The following NFX1 variants were observed in gnomAD, a reference collection of about 807,000 sequenced individuals.
The protein encoded by NFX1 is nuclear transcription factor, X-box binding 1.
Under a neutral mutation model 137.2 loss-of-function variants are expected in NFX1, and 69 were observed. The ratio of observed to expected loss-of-function variants is 0.50; its 90% CI spans 0.41 to 0.61. The LOEUF (loss-of-function observed/expected upper bound fraction) is 0.61. Among genes scored for constraint, NFX1 ranks in the 20% least tolerant of loss-of-function variants. NFX1 has a pLI of 0.00. For synonymous variants in NFX1, 495 were observed against 474.1 expected, an observed-to-expected ratio of 1.04 and a Z score of -0.57; for missense variants, 1,167 against 1,391.0, an observed-to-expected ratio of 0.84 and a Z score of 2.56.
Position 33,313,647 on chromosome 9 carries a change from T to C in NFX1, c.1449-7T>C. The C allele has an allele frequency of 6.2e-7, 1 of 1,613,986 alleles. No individual in the cohort carries two copies. The highest frequency in any genetic ancestry group is 8.5e-7 in the Non-Finnish European group (1 of 1,179,854). On this transcript the variant is annotated splice_region_variant and splice_polypyrimidine_tract_variant and intron_variant, in intron 6 of 23. Transcript: ENST00000379540. ...TGATGCTGTCTTTACATCTATTGTC[T>C]TTACAGGCACACAGTTCGCTGTGGT...
intron 9 of NFX1, 34 bp from the exon 10 acceptor site, chr9:33,328,547 T>A: frequency 6.5e-7 from 1 of 1,548,206 alleles, no homozygotes; most frequent in Non-Finnish European, 8.9e-7. Flanking sequence ...GTAGTTGCAG[T>A]TTTCATTTCC....
chr9:33,361,850 A>G (rs1437909291), intron 19 of NFX1, among the ~76,000 whole-genome samples: 4 of 151,572 alleles, frequency 2.6e-5, no homozygotes, highest in Admixed American at 2.6e-4. Context: ...GGGGCCCGTT[A>G]CAGCGGCTCA....
chr9:33,314,929 C>T (rs1822100223), intron 7 of NFX1, among the ~76,000 whole-genome samples: 1 of 151,948 alleles, frequency 6.6e-6, no homozygotes, highest in African/African-American at 2.4e-5. Context: ...GCTAGCTGTA[C>T]ATCAATGGGA....
chr9:33,319,031 T>C lies in NFX1; in HGVS notation c.1810T>C (p.Leu604=), dbSNP rs1822282918. 1 of 1,614,192 alleles carries C rather than the reference T, an allele frequency of 6.2e-7. No homozygotes were observed. Among genetic ancestry groups the C allele is most frequent in the Non-Finnish European group, 8.5e-7 (1 of 1,180,026 alleles). The change falls in exon 9 of 24, where the codon TTG becomes CTG. Residue 604 remains leucine (L), a synonymous_variant. Transcript: ENST00000379540. ...CPCGQTPLSQ[L]LELGSSSRKT... ...CTGTGGCCAAACTCCTCTCAGCCAATTGCTAGAACTTGGAAGTAGTAGTCG... is the reference window on the plus strand; with the variant it reads ...CTGTGGCCAAACTCCTCTCAGCCAACTGCTAGAACTTGGAAGTAGTAGTCG...
chr9:33,301,173 T>C, intron 2 of NFX1, 90 bp from the exon 3 acceptor site: 1 of 1,187,618 alleles, frequency 8.4e-7, no homozygotes, highest in East Asian at 2.5e-5. Context: ...ATTCTTCTCT[T>C]GAGTGACTTG....
chr9:33,332,566 T>C (rs1287406019), intron 11 of NFX1, 64 bp downstream of exon 11: 5 of 1,239,646 alleles, frequency 4.0e-6, no homozygotes, highest in South Asian at 1.3e-5. Context: ...TGAATCTTGT[T>C]AGGGAGTTGG....
At chr9:33,294,384 A>C in intron 1 of NFX1, 36 bp from the exon 2 acceptor site, 2 of 1,512,468 alleles carry the variant, frequency 1.3e-6, no homozygotes, top group Middle Eastern at 1.8e-4. Context: ...ATGAAGTTTA[A>C]TCTCTTTACT....
Position 33,294,643 on chromosome 9 carries a change from GCAGACGT to G in NFX1, c.251_257del (p.Gln84LeufsTer24), listed in dbSNP as rs774318791. ...CGTCAGGAAGCAAACCTAAGAGTCA[GCAGACGT>G]CTTTCCAGTCCTCTCCTTGTAATAA... On this transcript the variant is annotated frameshift_variant, in exon 2 of 24. Coordinates refer to ENST00000379540, the MANE Select transcript of NFX1 (RefSeq NM_002504.6). LOFTEE classifies it high-confidence loss of function. 1.2e-6 allele frequency: 2 copies of G among 1,614,198 alleles called. No homozygotes were observed. Among genetic ancestry groups the G allele is most frequent in the Admixed American group, 3.3e-5 (2 of 60,028 alleles).
chr9:33,291,171 C>T (rs1433129495), intron 1 of NFX1, among the ~76,000 whole-genome samples: 1 of 152,238 alleles, frequency 6.6e-6, no homozygotes, highest in Non-Finnish European at 1.5e-5. Flanking sequence ...GGAGTTGCCT[C>T]AGTGTGTAGA....
At chr9:33,309,651 A>G (rs1404276930) in intron 5 of NFX1, among the ~76,000 whole-genome samples, 2 of 152,220 alleles carry the variant, frequency 1.3e-5, no homozygotes, top group African/African-American at 2.4e-5. Context: ...TGACAGAGAC[A>G]GGGTCTCGCT....
intron 19 of NFX1, among the ~76,000 whole-genome samples, chr9:33,359,617 A>T (rs937488659): frequency 1.3e-5 from 2 of 152,234 alleles, no homozygotes; most frequent in East Asian, 3.9e-4. Flanking sequence ...AAAAAAATAG[A>T]TGTTCCTGAC....
chr9:33,352,709 A>T lies in NFX1; in HGVS notation c.2719A>T (p.Thr907Ser). 2 of 1,613,656 alleles carry T rather than the reference A, an allele frequency of 1.2e-6. No individual in the cohort carries two copies. The highest frequency in any genetic ancestry group is 1.7e-6 in the Non-Finnish European group (2 of 1,179,514). ...GGTGATTTGCTCTGAAGCATCTAGT[A>T]CTTATCAAAGGTTAGTGTTACTTAA... ...EMVICSEASSTYQRIAAISMA... is the reference protein window; with the variant it reads ...EMVICSEASSSYQRIAAISMA... Residue 907 changes from threonine (T) to serine (S), a missense_variant, in exon 17 of 24, where the codon ACT becomes TCT. Thr to Ser is a moderately conservative substitution (Grantham distance 58). Coordinates refer to ENST00000379540, the MANE Select transcript of NFX1 (RefSeq NM_002504.6).
chr9:33,342,907 A>G (rs1823280964), intron 13 of NFX1, 53 bp downstream of exon 13: 2 of 1,159,314 alleles, frequency 1.7e-6, no homozygotes, highest in Non-Finnish European at 2.5e-6. Context: ...AAATTCAGAC[A>G]TAATATACTT....
chr9:33,344,305 G>T, intron 14 of NFX1, 117 bp downstream of exon 14: 1 of 1,410,766 alleles, frequency 7.1e-7, no homozygotes, highest in Non-Finnish European at 9.7e-7. Flanking sequence ...CCTTGCTCCC[G>T]GCTCAGGGGC....
At chr9:33,347,467 A>T (rs1015772186) in intron 15 of NFX1, among the ~76,000 whole-genome samples, 1 of 152,162 alleles carries the variant, frequency 6.6e-6, no homozygotes, top group Non-Finnish European at 1.5e-5. Flanking sequence ...TTTTACTTTA[A>T]AATACCAAAT....
intron 11 of NFX1, among the ~76,000 whole-genome samples, chr9:33,335,144 G>T (rs1305679263): frequency 6.6e-6 from 1 of 151,538 alleles, no homozygotes; most frequent in South Asian, 2.1e-4. Flanking sequence ...CAGTTCAGTG[G>T]CACTTAGTTC....
chr9:33,354,063 T>C, intron 17 of NFX1, 23 bp from the exon 18 acceptor site: 1 of 1,561,828 alleles, frequency 6.4e-7, no homozygotes, highest in Non-Finnish European at 8.7e-7. Context: ...TGCCTCTTTT[T>C]CCCTTTCTTT....
chr9:33,336,856 C>T (rs147790122), intron 11 of NFX1, among the ~76,000 whole-genome samples: 1,750 of 152,276 alleles, frequency 0.011, 34 homozygotes, highest in African/African-American at 0.041. Flanking sequence ...AATCCCAGCA[C>T]TTTGGGAGGC....
intron 9 of NFX1, among the ~76,000 whole-genome samples, chr9:33,328,232 C>T (rs930430731): frequency 6.6e-6 from 1 of 150,708 alleles, no homozygotes; most frequent in African/African-American, 2.4e-5. Context: ...TCACCATGTT[C>T]CCAGGTGATC....
Sources: gnomAD v4.1 joint callset for allele counts (sites outside exome capture counted in the v4.1 genomes callset) on GRCh38, gnomAD v4.1.1 for gene constraint, MANE v1.5 for transcripts, NCBI Gene and HGNC (gene_info 2026-07-23, HGNC 2026-07-21) for gene names.